SIN3B: variants seen among roughly 807,000 people sequenced by gnomAD.
SIN3B encodes SIN3 transcription regulator family member B, also known as paired amphipathic helix protein Sin3b.
SIN3B carries 19 observed loss-of-function variants against 120.2 expected under a neutral mutation model. The ratio of observed to expected loss-of-function variants is 0.16; its 90% confidence interval spans 0.11 to 0.23. The LOEUF is 0.23. SIN3B is among the 10% of genes least tolerant of loss of function. The probability of loss-of-function intolerance (pLI) is 1.00; values close to 1 mark genes in which losing one functional copy is unlikely to be tolerated. For synonymous variants in SIN3B, 654 were observed against 653.2 expected (o/e 1.00, Z -0.02); for missense variants, 1,073 against 1,573.0 (o/e 0.68, Z 5.38).
rs2051508334 is a variant in SIN3B, at chr19:16,871,347, T to C, written c.2541T>C (p.His847=). The C allele has an allele frequency of 4.3e-6, 7 of 1,613,710 alleles. No individual in the cohort carries two copies. Among genetic ancestry groups the C allele is most frequent in the Non-Finnish European group, 5.9e-6 (7 of 1,179,900 alleles). Residue 847 remains histidine (H), a synonymous_variant, in exon 14 of 19, where the codon CAT becomes CAC. Coordinates refer to ENST00000248054, the MANE Select transcript of SIN3B (RefSeq NM_001297595.2). ...CCCTACGCGAGATGTTCACCATCCATGCCTACGTGGGCTTCACCATGGACA... is the reference window on the plus strand; with the variant it reads ...CCCTACGCGAGATGTTCACCATCCACGCCTACGTGGGCTTCACCATGGACA... ...EDTLREMFTI[H]AYVGFTMDKL...
chr19:16,864,729 G>A (rs1304817758), intron 10 of SIN3B, among the ~76,000 whole-genome samples: 5 of 151,106 alleles, frequency 3.3e-5, no homozygotes, highest in African/African-American at 4.9e-5. Context: ...GATGGCTCAC[G>A]CCTGTAATCC....
At chr19:16,838,720 G>A (rs912970107) in intron 3 of SIN3B, among the ~76,000 whole-genome samples, 7 of 151,954 alleles carry the variant, frequency 4.6e-5, no homozygotes, top group Non-Finnish European at 1.0e-4. Flanking sequence ...CGCCCAGGCT[G>A]GAGTGCAGTG....
At chr19:16,853,713 G>A (rs1261239532) in intron 7 of SIN3B, among the ~76,000 whole-genome samples, 2 of 151,700 alleles carry the variant, frequency 1.3e-5, no homozygotes, top group Non-Finnish European at 1.5e-5. Flanking sequence ...TGCACGGGCT[G>A]CGTGAATTGC....
chr19:16,832,440 T>G (rs2144570950), intron 3 of SIN3B, among the ~76,000 whole-genome samples: 1 of 151,856 alleles, frequency 6.6e-6, no homozygotes, highest in Middle Eastern at 3.4e-3. Context: ...TCAAGTGATC[T>G]GCCTGCTTCA....
intron 3 of SIN3B, among the ~76,000 whole-genome samples, chr19:16,835,255 G>T (rs71336793): frequency 7.2e-6 from 1 of 139,404 alleles, no homozygotes; most frequent in Non-Finnish European, 1.5e-5. Flanking sequence ...TTGAGACAGA[G>T]TCTCGCTGTG....
chr19:16,852,128 CT>C (rs561367903), intron 6 of SIN3B, among the ~76,000 whole-genome samples: 77 of 152,228 alleles, frequency 5.1e-4, no homozygotes, highest in African/African-American at 1.8e-3. Flanking sequence ...CTCTTGTGTC[CT>C]TTTTTTCTTT....
intron 17 of SIN3B, 70 bp downstream of exon 17, chr19:16,877,709 C>CAAA: frequency 2.7e-6 from 3 of 1,119,264 alleles, no homozygotes; most frequent in Non-Finnish European, 4.0e-6. Flanking sequence ...TTTGTCCTGA[C>CAAA]GGGGGCTGGA....
chr19:16,873,003 G>A (rs976711657), intron 14 of SIN3B, among the ~76,000 whole-genome samples: 11 of 152,184 alleles, frequency 7.2e-5, no homozygotes, highest in Non-Finnish European at 1.0e-4. Flanking sequence ...AAGGCACAGA[G>A]AGGTGTGTCC....
rs954386070 is a variant in SIN3B at position 16,829,409 on chromosome 19, C to G, written c.-12C>G. On this transcript the variant is annotated 5_prime_UTR_variant, in exon 1 of 19. Transcript: ENST00000248054. The stretch of plus-strand genomic sequence containing the variant: ...GGCGGGGGCGGGGCGGGGCGCAGCT[C>G]CGACTTCGGACATGGCGCACGCTGG... 5.0e-6 allele frequency: 6 copies of G among 1,201,520 alleles called. No individual in the cohort carries two copies. The highest frequency in any genetic ancestry group is 8.9e-5 in the Admixed American group (2 of 22,590). The allele number at this position is 1,201,520 out of a possible 1,614,324, so 74.4% of individuals were successfully genotyped here.
Position 16,835,512 on chromosome 19 carries a change from T to A in SIN3B, c.381+3865T>A, listed in dbSNP as rs544919007. Among the ~76,000 whole-genome samples the A allele has an allele frequency of 2.6e-4, 33 of 125,016 alleles. No individual in the cohort carries two copies. The East Asian group carries it at 6.0e-3, about 23-fold the overall frequency. 82.0% of individuals were successfully genotyped at this position (125,016 alleles called of 152,430 possible). ...CCAAAGTTCTTTTTTTTTTTTTTTT[T>A]ACTTTAATTGAATTATTTTTTAATT... On this transcript the variant is annotated intron_variant, in intron 3 of 18. Transcript: ENST00000248054.
At chr19:16,871,499 A>T (rs1321960459) in intron 14 of SIN3B, 101 bp downstream of exon 14, 7 of 1,110,532 alleles carry the variant, frequency 6.3e-6, no homozygotes, top group Non-Finnish European at 6.4e-6. Context: ...AGCACAGCAA[A>T]CCTATCCTGT....
intron 4 of SIN3B, 143 bp from the exon 5 acceptor site, chr19:16,846,827 A>T (rs2241377): frequency 1.7e-5 from 14 of 827,770 alleles, no homozygotes; most frequent in Admixed American, 1.6e-4. Context: ...AAGATCCACA[A>T]GTGTGCAGAC....
chr19:16,847,144 G>A (rs1971489390), intron 5 of SIN3B, 31 bp downstream of exon 5: 2 of 1,595,618 alleles, frequency 1.3e-6, no homozygotes, highest in Non-Finnish European at 1.7e-6. Context: ...CCCAGCCTCG[G>A]GGGCCTCAGC....
At chr19:16,872,374 C>G (rs1389011006) in intron 14 of SIN3B, 1 of 151,980 alleles carries the variant, frequency 6.6e-6, no homozygotes, top group Non-Finnish European at 1.5e-5. Context: ...AACAGAACCC[C>G]TGCCCCTGTG....
rs548126829 is a variant in SIN3B, at chr19:16,877,598, G to T, written c.2913G>T (p.Ser971=). ...QYVGTEGASS[S]PTEGFLLKPV... ...TGGGGACCGAGGGCGCGTCCAGCTCGCCCACTGAGGGCTTCCTCCTGAAAC... is the reference window on the plus strand; with the variant it reads ...TGGGGACCGAGGGCGCGTCCAGCTCTCCCACTGAGGGCTTCCTCCTGAAAC... The change falls in exon 17 of 19, where the codon TCG becomes TCT. Residue 971 remains serine (S), a synonymous_variant. Transcript: ENST00000248054. The T allele has an allele frequency of 7.4e-6, 12 of 1,612,226 alleles. No individual in the cohort carries two copies. Among genetic ancestry groups the T allele is most frequent in the Non-Finnish European group, 1.0e-5 (12 of 1,179,532 alleles).
chr19:16,834,225 C>G (rs1297226004), intron 3 of SIN3B, among the ~76,000 whole-genome samples: 2 of 152,188 alleles, frequency 1.3e-5, no homozygotes, highest in African/African-American at 4.8e-5. Flanking sequence ...CAGCGTCCAC[C>G]AGAGCACTTT....
intron 11 of SIN3B, 42 bp from the exon 12 acceptor site, chr19:16,866,331 G>T: frequency 6.4e-7 from 1 of 1,571,916 alleles, no homozygotes. Flanking sequence ...CAGGGAGGAT[G>T]CCCTGGCTTG....
chr19:16,851,312 C>A (rs1971541887), intron 5 of SIN3B, 100 bp from the exon 6 acceptor site: 2 of 1,413,712 alleles, frequency 1.4e-6, no homozygotes, highest in Non-Finnish European at 1.9e-6. Flanking sequence ...GCCACCATTG[C>A]CCACCGGGCT....
At position 16,851,635 on chromosome 19, in the gene SIN3B, G is replaced by A. The variant is rs1307521434; in HGVS notation, c.849+101G>A. 18 of 1,430,590 alleles carry A rather than the reference G, an allele frequency of 1.3e-5. No individual in the cohort carries two copies. The East Asian group carries it at 1.6e-4, about 13-fold the overall frequency. The allele number at this position is 1,430,590 out of a possible 1,614,324, so 88.6% of individuals were successfully genotyped here. ...GGAACAGAGGCCCCAGCAGGGGTTC[G>A]GGGCTGGACCGGGGGCTGTGTGAGG... On this transcript the variant is annotated intron_variant, in intron 6 of 18. Coordinates refer to ENST00000248054, the MANE Select transcript of SIN3B (RefSeq NM_001297595.2).
Sources: allele counts gnomAD v4.1 joint callset (sites outside exome capture counted in the v4.1 genomes callset), GRCh38; gene constraint gnomAD v4.1.1; transcripts MANE v1.5; gene names NCBI Gene and HGNC (gene_info 2026-07-23, HGNC 2026-07-21).